The following ZBTB20 variants were observed in gnomAD, a reference collection of about 807,000 sequenced individuals.
ZBTB20 encodes zinc finger and BTB domain containing 20.
ZBTB20 carries 9 observed loss-of-function variants against 56.9 expected under a neutral mutation model. That is an observed-to-expected ratio of 0.16 (90% CI 0.10 to 0.28). The LOEUF is 0.28. Ranked by LOEUF, ZBTB20 falls within the 10% of genes least tolerant of loss-of-function variation. The probability of loss-of-function intolerance (pLI) is 1.00; values close to 1 mark genes in which losing one functional copy is unlikely to be tolerated. For synonymous variants in ZBTB20, 417 were observed against 420.7 expected (o/e 0.99, Z 0.11); for missense variants, 655 against 1,003.0 (o/e 0.65, Z 4.69).
Position 114,337,981 on chromosome 3 carries a change from AC to A in ZBTB20, c.*1023del, listed in dbSNP as rs1447192226. ...ATCAGCATTCTATCTGGTAAACGTC[AC>A]TTTTGCCCCTCTATAAAATTTTGAA... On this transcript the variant is annotated 3_prime_UTR_variant, in exon 12 of 12. Coordinates refer to ENST00000675478, the MANE Select transcript of ZBTB20 (RefSeq NM_001348800.3). 1 of 151,750 alleles carries A rather than the reference AC, an allele frequency of 6.6e-6. No homozygotes were observed. Among genetic ancestry groups the A allele is most frequent in the African/African-American group, 2.4e-5 (1 of 41,318 alleles). 9.4% of individuals were successfully genotyped at this position (151,750 alleles called of 1,614,324 possible).
At chr3:115,004,418 A>G (rs2079382870) in intron 2 of ZBTB20, among the ~76,000 whole-genome samples, 1 of 151,734 alleles carries the variant, frequency 6.6e-6, no homozygotes, top group South Asian at 2.1e-4. Flanking sequence ...TTAAAACAAA[A>G]TATTTTTTTT....
intron 10 of ZBTB20, among the ~76,000 whole-genome samples, chr3:114,374,976 G>T (rs2083446207): frequency 6.6e-6 from 1 of 152,168 alleles, no homozygotes; most frequent in Non-Finnish European, 1.5e-5. Flanking sequence ...CTTCAAACTT[G>T]CTTGAGCAGT....
chr3:115,028,544 T>C (rs1379525759), intron 2 of ZBTB20, among the ~76,000 whole-genome samples: 2 of 150,666 alleles, frequency 1.3e-5, no homozygotes, highest in African/African-American at 4.8e-5. Context: ...TTAAATTGCA[T>C]ATATGGCTCA....
intron 2 of ZBTB20, among the ~76,000 whole-genome samples, chr3:115,052,740 GT>G (rs2081600902): frequency 6.6e-6 from 1 of 152,000 alleles, no homozygotes; most frequent in South Asian, 2.1e-4. Context: ...AATGTTTGAG[GT>G]ATATCTAATT....
intron 7 of ZBTB20, 41 bp from the exon 8 acceptor site, chr3:114,389,146 C>T (rs1466015108): frequency 6.6e-6 from 1 of 152,122 alleles, no homozygotes; most frequent in Non-Finnish European, 1.5e-5. Context: ...GTTAAATGAA[C>T]AGGTGATGGT....
chr3:114,855,055 G>A (rs961117370), intron 4 of ZBTB20, among the ~76,000 whole-genome samples: 3 of 151,860 alleles, frequency 2.0e-5, no homozygotes, highest in Non-Finnish European at 4.4e-5. Context: ...ATCTTCTTTG[G>A]CCATAATGCA....
At chr3:114,778,214 G>A (rs1207614046) in intron 5 of ZBTB20, among the ~76,000 whole-genome samples, 1 of 148,482 alleles carries the variant, frequency 6.7e-6, no homozygotes, top group Non-Finnish European at 1.5e-5. Context: ...CCTGCACGTT[G>A]TGCACATGTA....
chr3:114,919,385 A>C (rs75043196), intron 3 of ZBTB20, among the ~76,000 whole-genome samples: 38 of 152,244 alleles, frequency 2.5e-4, no homozygotes, highest in Non-Finnish European at 7.4e-5. Flanking sequence ...ACAAAAGAAG[A>C]CAGCAAGATT....
intron 1 of ZBTB20, among the ~76,000 whole-genome samples, chr3:115,141,932 C>T (rs1037135403): frequency 7.9e-5 from 12 of 152,090 alleles, no homozygotes; most frequent in Admixed American, 6.6e-5. Flanking sequence ...TTAAAAATAC[C>T]TTCTTGAAAC....
At chr3:114,953,239 AATAG>A (rs56210284) in intron 3 of ZBTB20, among the ~76,000 whole-genome samples, 19,624 of 151,960 alleles carry the variant, frequency 0.13, 1,881 homozygotes, top group East Asian at 0.58. Flanking sequence ...TCAGAAGAAC[AATAG>A]ATAAATTTAA....
intron 5 of ZBTB20, among the ~76,000 whole-genome samples, chr3:114,775,939 T>C (rs1460098792): frequency 6.6e-6 from 1 of 152,060 alleles, no homozygotes; most frequent in Non-Finnish European, 1.5e-5. Flanking sequence ...AATCTACAAA[T>C]CTGCAGACCA....
At chr3:114,990,355 G>A (rs1231091311) in intron 2 of ZBTB20, among the ~76,000 whole-genome samples, 2 of 152,152 alleles carry the variant, frequency 1.3e-5, no homozygotes, top group African/African-American at 2.4e-5. Context: ...CATCTATTGA[G>A]ATAATCATGT....
chr3:114,795,424 T>A (rs796658007), intron 5 of ZBTB20, among the ~76,000 whole-genome samples: 3 of 152,230 alleles, frequency 2.0e-5, no homozygotes, highest in African/African-American at 7.2e-5. Flanking sequence ...CTTTGCTCAC[T>A]TTGCTCTGGC....
chr3:114,835,875 T>C (rs2074097088), intron 4 of ZBTB20, among the ~76,000 whole-genome samples: 1 of 152,164 alleles, frequency 6.6e-6, no homozygotes, highest in South Asian at 2.1e-4. Flanking sequence ...AATATTGGTA[T>C]TAATAGCATT....
intron 6 of ZBTB20, among the ~76,000 whole-genome samples, chr3:114,536,641 T>A (rs1266912745): frequency 6.6e-6 from 1 of 152,164 alleles, no homozygotes. Context: ...AAAAACAATT[T>A]TAAATTTCAT....
intron 2 of ZBTB20, among the ~76,000 whole-genome samples, chr3:114,984,408 A>T (rs948360671): frequency 5.9e-5 from 9 of 151,920 alleles, no homozygotes; most frequent in African/African-American, 2.2e-4. Context: ...CCTCCCTCCA[A>T]CAACAGGAGA....
intron 2 of ZBTB20, among the ~76,000 whole-genome samples, chr3:115,053,745 C>T (rs748476304): frequency 2.0e-5 from 3 of 151,828 alleles, no homozygotes; most frequent in Non-Finnish European, 4.4e-5. Context: ...TTATATTATC[C>T]GAATGCCCTA....
At chr3:114,539,155 T>C (rs1290594368) in intron 6 of ZBTB20, among the ~76,000 whole-genome samples, 3 of 152,190 alleles carry the variant, frequency 2.0e-5, no homozygotes, top group Non-Finnish European at 2.9e-5. Flanking sequence ...AAGTTTCTCT[T>C]TCCTAGCTTT....
chr3:114,977,926 C>T (rs2078170083), intron 2 of ZBTB20, among the ~76,000 whole-genome samples: 1 of 151,024 alleles, frequency 6.6e-6, no homozygotes, highest in Non-Finnish European at 1.5e-5. Flanking sequence ...GGGAGGATCA[C>T]CTGAGCCTGG....
Sources: allele counts gnomAD v4.1 joint callset (sites outside exome capture counted in the v4.1 genomes callset), GRCh38; gene constraint gnomAD v4.1.1; transcripts MANE v1.5; gene names NCBI Gene and HGNC (gene_info 2026-07-23, HGNC 2026-07-21).